The following KCNAB2 variants were observed in gnomAD, a reference collection of about 807,000 sequenced individuals.
The protein encoded by KCNAB2 is potassium voltage-gated channel subfamily A regulatory beta subunit 2, also known as voltage-gated potassium channel subunit beta-2.
A neutral mutation model predicts 63.6 loss-of-function variants in KCNAB2; 29 were observed. The observed-to-expected ratio is 0.46, with a 90% confidence interval of 0.34 to 0.62. The LOEUF (loss-of-function observed/expected upper bound fraction) is 0.62. KCNAB2 is among the 20% of genes least tolerant of loss of function. KCNAB2 has a pLI of 0.01. For missense variants in KCNAB2, 359 were observed against 563.9 expected, an observed-to-expected ratio of 0.64 and a Z score of 3.68; for synonymous variants, 222 against 224.2, an observed-to-expected ratio of 0.99 and a Z score of 0.09.
chr1:6,083,532 A>G (rs970971788), intron 5 of KCNAB2, among the ~76,000 whole-genome samples: 2 of 152,168 alleles, frequency 1.3e-5, no homozygotes, highest in East Asian at 3.9e-4. Context: ...CGCTTGCCAG[A>G]AGACCGGGGA....
intron 7 of KCNAB2, among the ~76,000 whole-genome samples, chr1:6,088,699 T>TAAA (rs1251980260): frequency 1.2e-5 from 1 of 86,544 alleles, no homozygotes; most frequent in African/African-American, 5.5e-5. Flanking sequence ...GTTCTTAATT[T>TAAA]AAAAAATAAT....
At chr1:6,068,549 G>A (rs912917713) in intron 2 of KCNAB2, among the ~76,000 whole-genome samples, 3 of 152,196 alleles carry the variant, frequency 2.0e-5, no homozygotes, top group African/African-American at 4.8e-5. Flanking sequence ...CTGCTGTCAC[G>A]GCGGGAGGGT....
chr1:6,058,655 A>G (rs1267574754), intron 2 of KCNAB2, among the ~76,000 whole-genome samples: 1 of 152,164 alleles, frequency 6.6e-6, no homozygotes, highest in Non-Finnish European at 1.5e-5. Context: ...CTGTCTATCC[A>G]TCTTGGGGTC....
chr1:6,084,637 G>A (rs1432853349), intron 5 of KCNAB2, among the ~76,000 whole-genome samples: 1 of 152,128 alleles, frequency 6.6e-6, no homozygotes. Flanking sequence ...CCAACATAGT[G>A]AAACCCCGTC....
chr1:6,010,354 C>T (rs1454538956), intron 1 of KCNAB2, among the ~76,000 whole-genome samples: 3 of 152,138 alleles, frequency 2.0e-5, no homozygotes, highest in African/African-American at 4.8e-5. Flanking sequence ...CATCTGCTTT[C>T]GAGGCTGAGG....
chr1:6,090,298 C>A, intron 8 of KCNAB2, 91 bp from the exon 9 acceptor site: 1 of 883,290 alleles, frequency 1.1e-6, no homozygotes, highest in Non-Finnish European at 1.8e-6. Context: ...TCTTCTCCAT[C>A]TCTTGTTCCC....
At chr1:6,022,384 G>A (rs565801911) in intron 1 of KCNAB2, among the ~76,000 whole-genome samples, 10 of 151,558 alleles carry the variant, frequency 6.6e-5, no homozygotes, top group Admixed American at 1.3e-4. Flanking sequence ...CAGCTAGTTG[G>A]TATTGAGGGT....
intron 11 of KCNAB2, among the ~76,000 whole-genome samples, 190 bp downstream of exon 11, chr1:6,094,675 A>G (rs1665474891): frequency 6.6e-6 from 1 of 152,226 alleles, no homozygotes; most frequent in Non-Finnish European, 1.5e-5. Context: ...GGGATTCTGC[A>G]TGGATCCCAG....
chr1:6,084,100 C>T (rs1168053625), intron 5 of KCNAB2, among the ~76,000 whole-genome samples: 4 of 152,186 alleles, frequency 2.6e-5, no homozygotes, highest in African/African-American at 9.6e-5. Flanking sequence ...AAATCAGAGC[C>T]CATTATTTCT....
chr1:6,032,542 A>G (rs960502768), upstream of KCNAB2, among the ~76,000 whole-genome samples: 2 of 150,808 alleles, frequency 1.3e-5, no homozygotes, highest in African/African-American at 4.9e-5. Flanking sequence ...ATGCCACTGC[A>G]GTCCAGCCTG....
chr1:6,099,514 G>A lies in KCNAB2; in HGVS notation c.*940G>A. ...CACGGTGGCTGCTGGCCACACCACG[G>A]CAAGTGGCAGCAGGGGCCGGCCCTG... is the stretch of plus-strand genomic sequence containing the variant. On this transcript the variant is annotated 3_prime_UTR_variant, in exon 16 of 16. Coordinates refer to ENST00000378083, the MANE Select transcript of KCNAB2 (RefSeq NM_001199862.2). The A allele has an allele frequency of 2.9e-6, 1 of 343,454 alleles. No individual in the cohort carries two copies. The highest frequency in any genetic ancestry group is 5.3e-6 in the Non-Finnish European group (1 of 190,212). The allele number at this position is 343,454 out of a possible 1,614,324, so 21.3% of individuals were successfully genotyped here.
rs1465044046 is a variant in KCNAB2, at chr1:6,035,820, T to G, written c.-53+1026T>G. The G allele has an allele frequency of 6.6e-6, 1 of 152,386 alleles. No homozygotes were observed. Among genetic ancestry groups the G allele is most frequent in the East Asian group, 1.9e-4 (1 of 5,192 alleles). The allele number at this position is 152,386 out of a possible 1,614,324, so 9.4% of individuals were successfully genotyped here. On this transcript the variant is annotated intron_variant, in intron 1 of 15. Transcript: ENST00000164247. This position sits in a 1 kb window ranked among gnomAD's most constrained non-coding sequence, Gnocchi z 5.0. Reference sequence around the variant, plus strand: ...CAGAGCCACGAGATGGGTGGAAATCTGAGGGGCTTTGTGGGGATGGAAAAG... The same window carrying G: ...CAGAGCCACGAGATGGGTGGAAATCGGAGGGGCTTTGTGGGGATGGAAAAG...
intron 8 of KCNAB2, among the ~76,000 whole-genome samples, chr1:6,089,942 T>G (rs1043059589): frequency 6.6e-6 from 1 of 152,228 alleles, no homozygotes; most frequent in Admixed American, 6.5e-5. Flanking sequence ...CCTCAAGTGA[T>G]GCGCCCGCCT....
rs997422756 is a variant in KCNAB2 at position 6,100,051 on chromosome 1, G to C, written c.*1477G>C. ...GGGAAGCCTGTGTCTCCTGCCCCCA[G>C]GGCGCACCCTCAGTGCAGGCACCTC... On this transcript the variant is annotated 3_prime_UTR_variant, in exon 16 of 16. Coordinates refer to ENST00000378083, the MANE Select transcript of KCNAB2 (RefSeq NM_001199862.2). 3 of 1,502,492 alleles carry C rather than the reference G, an allele frequency of 2.0e-6. No individual in the cohort carries two copies. In the African/African-American group the frequency reaches 4.2e-5, roughly 21 times the overall value. 93.1% of individuals were successfully genotyped at this position (1,502,492 alleles called of 1,614,324 possible). A position where few individuals can be genotyped will look rare whatever the true frequency, so the allele number is the denominator to read the frequency against.
intron 1 of KCNAB2, among the ~76,000 whole-genome samples, chr1:6,023,999 T>C (rs1658993741): frequency 6.6e-6 from 1 of 151,660 alleles, no homozygotes; most frequent in Admixed American, 6.6e-5. Context: ...TGGAGTGCAA[T>C]GGCACAATCT....
At position 6,087,461 on chromosome 1, in the gene KCNAB2, C is replaced by T; in HGVS notation, c.426-6C>T. 1 of 1,614,126 alleles carries T rather than the reference C, an allele frequency of 6.2e-7. No homozygotes were observed. Among genetic ancestry groups the T allele is most frequent in the Admixed American group, 1.7e-5 (1 of 60,028 alleles). On this transcript the variant is annotated splice_region_variant and splice_polypyrimidine_tract_variant and intron_variant, in intron 6 of 15. Coordinates refer to ENST00000378083, the MANE Select transcript of KCNAB2 (RefSeq NM_001199862.2). This position sits in a 1 kb window ranked among gnomAD's most constrained non-coding sequence, Gnocchi z 6.4. ...TCACACCCCTTCTTTCTCTTCTGTT[C>T]CACAGGCGGTCCAGCCTCGTCATCA... is the stretch of plus-strand genomic sequence containing the variant.
rs1663481056 is a variant in KCNAB2, at chr1:6,074,306, T to C, written c.300+536T>C. Reference sequence around the variant, plus strand: ...AGTCAGATGTATTTGCTGGGGCTCATGTCCCCACAATTGGAACAAGAAAGT... The same window carrying C: ...AGTCAGATGTATTTGCTGGGGCTCACGTCCCCACAATTGGAACAAGAAAGT... On this transcript the variant is annotated intron_variant, in intron 4 of 15. Transcript: ENST00000378083. This position sits in a 1 kb window ranked among gnomAD's most constrained non-coding sequence, Gnocchi z 4.9. 6.6e-6 allele frequency among the ~76,000 whole-genome samples: 1 copy of C among 152,196 alleles called. No homozygotes were observed. The highest frequency in any genetic ancestry group is 1.5e-5 in the Non-Finnish European group (1 of 68,030).
At chr1:6,072,924 G>A in intron 3 of KCNAB2, 126 bp downstream of exon 3, 11 of 783,278 alleles carry the variant, frequency 1.4e-5, no homozygotes, top group Middle Eastern at 3.3e-4. Flanking sequence ...GGGAGTAGCT[G>A]CACCCAGAGC....
At chr1:6,090,346 T>C (rs1347505967) in intron 8 of KCNAB2, 43 bp from the exon 9 acceptor site, 3 of 1,423,154 alleles carry the variant, frequency 2.1e-6, no homozygotes, top group African/African-American at 1.4e-5. Context: ...CCTGTGGAGA[T>C]GGAGCCACAG....
Sources: allele counts gnomAD v4.1 joint callset (sites outside exome capture counted in the v4.1 genomes callset), GRCh38; gene constraint gnomAD v4.1.1; non-coding constraint Gnocchi (gnomAD v3.1); transcripts MANE v1.5; gene names NCBI Gene and HGNC (gene_info 2026-07-23, HGNC 2026-07-21).